FARS2: variants seen among roughly 807,000 people sequenced by gnomAD.
The protein encoded by FARS2 is phenylalanyl-tRNA synthetase 2, mitochondrial, also known as phenylalanine--tRNA ligase, mitochondrial.
In FARS2, 40 loss-of-function variants were observed where a neutral mutation model predicts 46.4. The observed-to-expected ratio is 0.86, with a 90% confidence interval of 0.67 to 1.12. The LOEUF is 1.12. Ranked by LOEUF, FARS2 falls within the 50% of genes most tolerant of loss-of-function variation. The pLI is 0.00. For synonymous variants in FARS2, 234 were observed against 214.9 expected (o/e 1.09, Z -0.78); for missense variants, 513 against 567.9 (o/e 0.90, Z 0.98).
intron 6 of FARS2, among the ~76,000 whole-genome samples, chr6:5,751,938 T>C (rs933111002): frequency 6.6e-6 from 1 of 152,180 alleles, no homozygotes; most frequent in African/African-American, 2.4e-5. Context: ...GATTAAAAAA[T>C]CAAAGTCCCC....
chr6:5,752,934 A>G (rs1306365841), intron 6 of FARS2, among the ~76,000 whole-genome samples: 1 of 152,074 alleles, frequency 6.6e-6, no homozygotes, highest in Non-Finnish European at 1.5e-5. Flanking sequence ...GTGTCCGGAG[A>G]GAACCGTGCT....
At chr6:5,387,266 G>T (rs112509448) in intron 2 of FARS2, among the ~76,000 whole-genome samples, 2 of 152,304 alleles carry the variant, frequency 1.3e-5, no homozygotes, top group African/African-American at 4.8e-5. Flanking sequence ...ACGGGATAGG[G>T]TATATCCAAG....
At chr6:5,277,995 T>C (rs1438120246) in intron 1 of FARS2, among the ~76,000 whole-genome samples, 1 of 152,224 alleles carries the variant, frequency 6.6e-6, no homozygotes, top group East Asian at 1.9e-4. Flanking sequence ...ACTAGAACCT[T>C]AATCTTTTCA....
rs1321911995 is a variant in FARS2, at chr6:5,738,702, A to G, written c.1218-32589A>G. Among the ~76,000 whole-genome samples the G allele has an allele frequency of 2.6e-5, 4 of 152,206 alleles. No individual in the cohort carries two copies. The East Asian group carries it at 7.7e-4, about 29-fold the overall frequency. On this transcript the variant is annotated intron_variant, in intron 6 of 6. Coordinates refer to ENST00000274680, the MANE Select transcript of FARS2 (RefSeq NM_006567.5). ...ATGGTAACAGCAAGAAGAGTTGGTT[A>G]CGAGTCACGAAGCTAGTCAGATTTC...
rs1404814072 is a variant in FARS2, at chr6:5,311,768, C to T, written c.-22+50108C>T. ...GTAAGTGAGAACGTAATGGTTTGTACTTGTTGGGAAGAAGCAGCTCATGTT... is the reference window on the plus strand; with the variant it reads ...GTAAGTGAGAACGTAATGGTTTGTATTTGTTGGGAAGAAGCAGCTCATGTT... On this transcript the variant is annotated intron_variant, in intron 1 of 6. Transcript: ENST00000274680. This position sits in a 1 kb window ranked among gnomAD's most constrained non-coding sequence, Gnocchi z 4.1. 1.3e-5 allele frequency among the ~76,000 whole-genome samples: 2 copies of T among 151,946 alleles called. No homozygotes were observed. The highest frequency in any genetic ancestry group is 2.4e-5 in the African/African-American group (1 of 41,326).
chr6:5,718,138 T>C (rs1759648663), intron 6 of FARS2, among the ~76,000 whole-genome samples: 2 of 152,126 alleles, frequency 1.3e-5, no homozygotes, highest in South Asian at 4.1e-4. Flanking sequence ...GGTCTGGAAC[T>C]CCTGACCTCA....
rs370470559 is a variant in FARS2, at chr6:5,598,263, G to C, written c.1066-14906G>C. On this transcript the variant is annotated intron_variant, in intron 5 of 6. Coordinates refer to ENST00000274680, the MANE Select transcript of FARS2 (RefSeq NM_006567.5). ...TCAGGCATGGTGGTACCTGCCTGTA[G>C]TTCCCGCTACTCTGGAGGCTGAGGC... Among the ~76,000 whole-genome samples the C allele has an allele frequency of 1.3e-4, 20 of 152,232 alleles. No homozygotes were observed. In the South Asian group the frequency reaches 4.1e-3, roughly 32 times the overall value.
chr6:5,355,473 C>CA (rs1351837454), intron 1 of FARS2, among the ~76,000 whole-genome samples: 1 of 151,188 alleles, frequency 6.6e-6, no homozygotes, highest in Non-Finnish European at 1.5e-5. Flanking sequence ...TCTCCTGCCT[C>CA]AGCCTCCTGA....
intron 6 of FARS2, among the ~76,000 whole-genome samples, chr6:5,729,717 C>T (rs2150934380): frequency 6.6e-6 from 1 of 152,304 alleles, no homozygotes; most frequent in Non-Finnish European, 1.5e-5. Context: ...TTTTTAGGCA[C>T]AGGCTTCTTT....
At chr6:5,678,322 G>A (rs1008268409) in intron 6 of FARS2, among the ~76,000 whole-genome samples, 1 of 152,146 alleles carries the variant, frequency 6.6e-6, no homozygotes, top group Non-Finnish European at 1.5e-5. Flanking sequence ...TTCCATCAAC[G>A]CTTGAAGGTT....
At chr6:5,353,497 G>A (rs1303900984) in intron 1 of FARS2, among the ~76,000 whole-genome samples, 1 of 152,110 alleles carries the variant, frequency 6.6e-6, no homozygotes, top group African/African-American at 2.4e-5. Context: ...CATAGTGGCT[G>A]TATTAATTTG....
chr6:5,717,691 G>A (rs920336557), intron 6 of FARS2, among the ~76,000 whole-genome samples: 1 of 151,896 alleles, frequency 6.6e-6, no homozygotes. Flanking sequence ...AGATTCAGGT[G>A]TTGTTAACTG....
chr6:5,510,343 C>T (rs1012524657), intron 4 of FARS2, among the ~76,000 whole-genome samples: 3 of 152,170 alleles, frequency 2.0e-5, no homozygotes, highest in Admixed American at 1.3e-4. Flanking sequence ...TCCCTTCGCC[C>T]TCTCCCTGCA....
At chr6:5,276,818 T>G (rs551481018) in intron 1 of FARS2, among the ~76,000 whole-genome samples, 1 of 152,336 alleles carries the variant, frequency 6.6e-6, no homozygotes, top group Non-Finnish European at 1.5e-5. Context: ...CATGTTGGGC[T>G]GTCCAGACAC....
At chr6:5,318,387 C>CAAAA (rs753113504) in intron 1 of FARS2, among the ~76,000 whole-genome samples, 2,039 of 76,856 alleles carry the variant, frequency 0.027, 62 homozygotes, top group African/African-American at 0.084. Flanking sequence ...AAAAAAAAAC[C>CAAAA]AAAAAAAAAA....
chr6:5,550,976 C>T (rs1239732216), intron 5 of FARS2, among the ~76,000 whole-genome samples: 2 of 152,242 alleles, frequency 1.3e-5, no homozygotes, highest in African/African-American at 4.8e-5. Context: ...ATGGCTTTCT[C>T]TCCAAAGCAC....
intron 5 of FARS2, among the ~76,000 whole-genome samples, chr6:5,607,285 A>ATGTGTGTGTGTGTGTGTG (rs200898031): frequency 1.3e-5 from 1 of 74,986 alleles, no homozygotes; most frequent in African/African-American, 3.7e-5. Context: ...AATAATATGT[A>ATGTGTGTGTGTGTGTGTG]TGTGTGTGTG....
intron 4 of FARS2, among the ~76,000 whole-genome samples, chr6:5,496,320 C>T (rs2472867): frequency 0.77 from 116,953 of 152,044 alleles, 45,163 homozygotes; most frequent in South Asian, 0.84. Flanking sequence ...TATAAGATTA[C>T]TTAAAATGAA....
chr6:5,390,011 C>A lies in FARS2; in HGVS notation c.613-14531C>A, dbSNP rs530738271. On this transcript the variant is annotated intron_variant, in intron 2 of 6. Transcript: ENST00000274680. ...CTCCGAGTAGCTAGGATTACAGGCA[C>A]GCGCCACCACGCCAGGCTAATTTTA... Among the ~76,000 whole-genome samples, 86 of 152,164 alleles carry A rather than the reference C, an allele frequency of 5.7e-4. 1 individual carries two copies. The highest frequency in any genetic ancestry group is 2.7e-3 in the Admixed American group (41 of 15,276).
Sources: gnomAD v4.1 joint callset for allele counts (sites outside exome capture counted in the v4.1 genomes callset) on GRCh38, gnomAD v4.1.1 for gene constraint, Gnocchi (gnomAD v3.1) non-coding constraint, MANE v1.5 for transcripts, NCBI Gene and HGNC (gene_info 2026-07-23, HGNC 2026-07-21) for gene names.